ERC1: variants seen among roughly 807,000 people sequenced by gnomAD.
The protein encoded by ERC1 is RAB6 interacting protein 2.
A neutral mutation model predicts 132.0 loss-of-function variants in ERC1; 56 were observed. That is an observed-to-expected ratio of 0.42 (90% confidence interval 0.34 to 0.53). The LOEUF (loss-of-function observed/expected upper bound fraction) is 0.53. ERC1 is among the 20% of genes least tolerant of loss of function. ERC1 has a pLI of 0.03. For missense variants in ERC1, 1,202 were observed against 1,349.9 expected (o/e 0.89, Z 1.72); for synonymous variants, 478 against 476.1 (o/e 1.00, Z -0.05).
chr12:1,273,454 A>G (rs889540081), intron 14 of ERC1, among the ~76,000 whole-genome samples: 1 of 152,170 alleles, frequency 6.6e-6, no homozygotes, highest in Non-Finnish European at 1.5e-5. Flanking sequence ...ATAAGTATAC[A>G]TTTTTCTTCA....
chr12:1,363,200 G>GT (rs1331998251), intron 15 of ERC1, among the ~76,000 whole-genome samples: 7 of 152,214 alleles, frequency 4.6e-5, no homozygotes, highest in Middle Eastern at 3.4e-3. Flanking sequence ...ACAAACTTTT[G>GT]TTTTTTGACA....
chr12:1,248,872 G>A (rs530165187), intron 13 of ERC1, among the ~76,000 whole-genome samples: 19 of 152,070 alleles, frequency 1.2e-4, no homozygotes, highest in African/African-American at 4.6e-4. Flanking sequence ...GAGGAGAGAG[G>A]TTTTTATTTA....
At position 1,494,489 on chromosome 12, in the gene ERC1, G is replaced by A. The variant is rs2094344341; in HGVS notation, c.*4259G>A. On this transcript the variant is annotated 3_prime_UTR_variant, in exon 19 of 19. Coordinates refer to ENST00000360905, the MANE Select transcript of ERC1 (RefSeq NM_178040.4). Reference sequence around the variant, plus strand: ...ACATACATTACAGGGAAATCCTTCTGAACAAAATGGCTATCTTCACCTACT... The same window carrying A: ...ACATACATTACAGGGAAATCCTTCTAAACAAAATGGCTATCTTCACCTACT... The A allele has an allele frequency of 4.3e-6, 1 of 232,050 alleles. No individual in the cohort carries two copies. Among genetic ancestry groups the A allele is most frequent in the Non-Finnish European group, 8.5e-6 (1 of 117,356 alleles). 14.4% of individuals were successfully genotyped at this position (232,050 alleles called of 1,614,324 possible). A position where few individuals can be genotyped will look rare whatever the true frequency, so the allele number is the denominator to read the frequency against.
chr12:1,439,961 G>T (rs1442626321), intron 17 of ERC1, among the ~76,000 whole-genome samples: 1 of 152,132 alleles, frequency 6.6e-6, no homozygotes, highest in Non-Finnish European at 1.5e-5. Flanking sequence ...GTTCCGAGAG[G>T]CTTAAGTAGT....
At chr12:1,017,723 T>C (rs528572361) in intron 1 of ERC1, among the ~76,000 whole-genome samples, 2 of 152,176 alleles carry the variant, frequency 1.3e-5, no homozygotes, top group Admixed American at 6.5e-5. Flanking sequence ...GGCCTCGAGC[T>C]CCTGGTCTCA....
At chr12:1,004,401 C>CTTTTTTTTTTT (rs71055118) in intron 1 of ERC1, among the ~76,000 whole-genome samples, 7 of 95,024 alleles carry the variant, frequency 7.4e-5, no homozygotes, top group Admixed American at 1.4e-4. Context: ...TTTTCTTTCT[C>CTTTTTTTTTTT]TTTTTTTTTT....
intron 8 of ERC1, among the ~76,000 whole-genome samples, chr12:1,178,454 A>T (rs1429126948): frequency 6.6e-6 from 1 of 152,192 alleles, no homozygotes; most frequent in Non-Finnish European, 1.5e-5. Context: ...AAGATTACAT[A>T]TGGTTTCATA....
At chr12:1,334,154 A>G (rs1243098588) in intron 15 of ERC1, among the ~76,000 whole-genome samples, 1 of 152,114 alleles carries the variant, frequency 6.6e-6, no homozygotes, top group Non-Finnish European at 1.5e-5. Context: ...TGTCACATGC[A>G]TACCTTGCAA....
intron 8 of ERC1, among the ~76,000 whole-genome samples, chr12:1,178,724 A>G (rs1954023650): frequency 6.6e-6 from 1 of 152,178 alleles, no homozygotes; most frequent in South Asian, 2.1e-4. Flanking sequence ...TCAAGAGGAG[A>G]TGGTGATTAT....
At chr12:1,349,862 G>A (rs1981710) in intron 15 of ERC1, among the ~76,000 whole-genome samples, 16,407 of 152,144 alleles carry the variant, frequency 0.11, 1,206 homozygotes, top group Admixed American at 0.18. Context: ...CAAGAGTATG[G>A]CACTCTTGCC....
At chr12:1,030,277 C>A (rs1472261346) in intron 2 of ERC1, among the ~76,000 whole-genome samples, 2 of 152,126 alleles carry the variant, frequency 1.3e-5, no homozygotes, top group African/African-American at 4.8e-5. Context: ...AAGAAAGCAA[C>A]TGATATCAAT....
intron 15 of ERC1, among the ~76,000 whole-genome samples, chr12:1,364,344 T>A (rs958557717): frequency 6.6e-6 from 1 of 152,218 alleles, no homozygotes; most frequent in Middle Eastern, 3.2e-3. Context: ...GCTTTACTTC[T>A]CTAAAACTTT....
At chr12:1,230,610 C>G (rs372383883) in intron 12 of ERC1, among the ~76,000 whole-genome samples, 2 of 152,124 alleles carry the variant, frequency 1.3e-5, no homozygotes, top group South Asian at 4.1e-4. Context: ...TTATTCAGGT[C>G]TAATGTTTTC....
intron 14 of ERC1, among the ~76,000 whole-genome samples, chr12:1,274,546 G>A (rs1223778476): frequency 6.6e-6 from 1 of 151,772 alleles, no homozygotes; most frequent in African/African-American, 2.4e-5. Context: ...AGGCTGGAGT[G>A]CAGTGGTGCG....
chr12:1,169,634 GT>G (rs1395210187), intron 8 of ERC1, among the ~76,000 whole-genome samples: 1 of 152,176 alleles, frequency 6.6e-6, no homozygotes, highest in Non-Finnish European at 1.5e-5. Flanking sequence ...ATGAGTGCAA[GT>G]CAGCATCTTT....
At chr12:1,346,441 T>C (rs1166834978) in intron 15 of ERC1, among the ~76,000 whole-genome samples, 2 of 152,216 alleles carry the variant, frequency 1.3e-5, no homozygotes, top group East Asian at 3.8e-4. Context: ...TCTGAATTGC[T>C]TCTGGGCTTA....
At chr12:1,177,599 A>G (rs1953884588) in intron 8 of ERC1, among the ~76,000 whole-genome samples, 1 of 152,228 alleles carries the variant, frequency 6.6e-6, no homozygotes, top group South Asian at 2.1e-4. Flanking sequence ...TAAGTTCACC[A>G]TCTCATACGG....
At chr12:1,196,848 GTCTC>G (rs1333530992) in intron 12 of ERC1, among the ~76,000 whole-genome samples, 1 of 56,326 alleles carries the variant, frequency 1.8e-5, no homozygotes, top group Admixed American at 1.7e-4. Context: ...CTCTCTGTCT[GTCTC>G]TCTCTCACTC....
chr12:1,211,529 T>A (rs930886731), intron 12 of ERC1, among the ~76,000 whole-genome samples: 1 of 152,112 alleles, frequency 6.6e-6, no homozygotes, highest in African/African-American at 2.4e-5. Context: ...GGGGAAGTGA[T>A]CATAATGATA....
Sources: allele counts gnomAD v4.1 joint callset (sites outside exome capture counted in the v4.1 genomes callset), GRCh38; gene constraint gnomAD v4.1.1; transcripts MANE v1.5; gene names NCBI Gene and HGNC (gene_info 2026-07-23, HGNC 2026-07-21).